Variants in LGR5 observed in about 807,000 individuals in gnomAD.
The protein encoded by LGR5 is leucine rich repeat containing G protein-coupled receptor 5.
LGR5 carries 54 observed loss-of-function variants against 76.7 expected under a neutral mutation model. The observed-to-expected ratio is 0.70, with a 90% confidence interval of 0.57 to 0.88. LGR5 has a LOEUF of 0.88. LGR5 is among the 40% of genes least tolerant of loss of function. The probability of loss-of-function intolerance (pLI) is 0.00; values close to 1 mark genes in which losing one functional copy is unlikely to be tolerated. For synonymous variants in LGR5, 406 were observed against 421.9 expected (o/e 0.96, Z 0.46); for missense variants, 1,078 against 1,073.3 (o/e 1.00, Z -0.06).
At chr12:71,458,599 T>C (rs1872576822) in intron 1 of LGR5, among the ~76,000 whole-genome samples, 1 of 152,194 alleles carries the variant, frequency 6.6e-6, no homozygotes, top group Non-Finnish European at 1.5e-5. Flanking sequence ...TGCTAGTTTT[T>C]ATAAAGTCTA....
At chr12:71,547,266 C>T (rs1877229209) in intron 4 of LGR5, among the ~76,000 whole-genome samples, 1 of 152,208 alleles carries the variant, frequency 6.6e-6, no homozygotes, top group African/African-American at 2.4e-5. Flanking sequence ...TGTGCATCCT[C>T]TTTTCTCTGT....
At chr12:71,484,581 T>C (rs1281888446) in intron 1 of LGR5, among the ~76,000 whole-genome samples, 2 of 152,214 alleles carry the variant, frequency 1.3e-5, no homozygotes, top group East Asian at 3.8e-4. Flanking sequence ...TAAACCTTTG[T>C]GCCCGAGGTT....
chr12:71,470,697 C>T (rs1873062308), intron 1 of LGR5, among the ~76,000 whole-genome samples: 1 of 152,198 alleles, frequency 6.6e-6, no homozygotes, highest in South Asian at 2.1e-4. Context: ...TTGCTATAAT[C>T]TTACTCCCAC....
intron 3 of LGR5, among the ~76,000 whole-genome samples, chr12:71,530,486 A>T (rs1205858713): frequency 6.6e-6 from 1 of 152,226 alleles, no homozygotes; most frequent in Non-Finnish European, 1.5e-5. Flanking sequence ...ATCTTGATCC[A>T]GTCTATTAAG....
At chr12:71,485,105 A>G (rs1013567274) in intron 1 of LGR5, among the ~76,000 whole-genome samples, 3 of 152,210 alleles carry the variant, frequency 2.0e-5, no homozygotes, top group Non-Finnish European at 4.4e-5. Context: ...ATTTGTAAAA[A>G]CATTAAGGGA....
At chr12:71,532,749 GTCT>G (rs1419070597) in intron 3 of LGR5, among the ~76,000 whole-genome samples, 2 of 151,974 alleles carry the variant, frequency 1.3e-5, no homozygotes, top group East Asian at 3.9e-4. Context: ...AAAAGCTTAG[GTCT>G]TGTCTGCAAA....
intron 3 of LGR5, among the ~76,000 whole-genome samples, chr12:71,531,758 C>T (rs1018864916): frequency 2.6e-5 from 4 of 152,250 alleles, no homozygotes; most frequent in East Asian, 3.9e-4. Flanking sequence ...ATCCCAGCTA[C>T]TCAGGAGACT....
At chr12:71,546,631 C>G (rs1032341039) in intron 4 of LGR5, among the ~76,000 whole-genome samples, 3 of 152,064 alleles carry the variant, frequency 2.0e-5, no homozygotes, top group Non-Finnish European at 4.4e-5. Flanking sequence ...CCTTCAGGCA[C>G]TGATCTTTCT....
intron 2 of LGR5, among the ~76,000 whole-genome samples, chr12:71,524,025 A>C (rs1048333731): frequency 1.3e-5 from 2 of 152,174 alleles, no homozygotes; most frequent in African/African-American, 4.8e-5. Flanking sequence ...TATCTAATCT[A>C]TTTTATCTTA....
At chr12:71,456,964 A>C (rs763118896) in intron 1 of LGR5, among the ~76,000 whole-genome samples, 4 of 152,122 alleles carry the variant, frequency 2.6e-5, no homozygotes, top group African/African-American at 7.2e-5. Flanking sequence ...GTTCAGATGG[A>C]AACTGAATAA....
chr12:71,543,271 G>A (rs1374472621), intron 4 of LGR5, among the ~76,000 whole-genome samples: 1 of 152,148 alleles, frequency 6.6e-6, no homozygotes, highest in Non-Finnish European at 1.5e-5. Context: ...TTTCCCACAT[G>A]CCTTTCCTGG....
chr12:71,558,414 C>T (rs1877886442), intron 6 of LGR5, among the ~76,000 whole-genome samples: 1 of 152,156 alleles, frequency 6.6e-6, no homozygotes, highest in Non-Finnish European at 1.5e-5. Context: ...CCTTCCTCTA[C>T]CTTGCCCAGG....
At chr12:71,512,864 C>T (rs900552542) in intron 2 of LGR5, among the ~76,000 whole-genome samples, 6 of 152,108 alleles carry the variant, frequency 3.9e-5, no homozygotes, top group African/African-American at 1.4e-4. Flanking sequence ...AAGTGTGAAG[C>T]ATGATGGGTC....
At chr12:71,489,307 G>A (rs1341464870) in intron 1 of LGR5, among the ~76,000 whole-genome samples, 1 of 152,144 alleles carries the variant, frequency 6.6e-6, no homozygotes, top group Non-Finnish European at 1.5e-5. Flanking sequence ...ATGGCGTACA[G>A]GACTTTTAAG....
intron 1 of LGR5, among the ~76,000 whole-genome samples, chr12:71,451,656 C>T (rs1398653229): frequency 6.6e-6 from 1 of 152,166 alleles, no homozygotes; most frequent in Non-Finnish European, 1.5e-5. Flanking sequence ...CACTTGATCA[C>T]CATATTTCAT....
At chr12:71,534,668 G>T (rs757316521) in intron 3 of LGR5, among the ~76,000 whole-genome samples, 11 of 152,118 alleles carry the variant, frequency 7.2e-5, no homozygotes, top group African/African-American at 1.2e-4. Flanking sequence ...AGAAACAGTT[G>T]GTCCTTTGCT....
intron 1 of LGR5, among the ~76,000 whole-genome samples, chr12:71,488,361 C>T (rs1386839929): frequency 1.3e-5 from 2 of 152,154 alleles, no homozygotes; most frequent in African/African-American, 4.8e-5. Context: ...TCTAAGGGAG[C>T]TTTCTTTAGT....
chr12:71,450,709 C>T (rs570295836), intron 1 of LGR5, among the ~76,000 whole-genome samples: 2 of 152,260 alleles, frequency 1.3e-5, no homozygotes, highest in South Asian at 4.1e-4. Context: ...TCTAACTGTT[C>T]TCTTTCTCTT....
chr12:71,486,811 G>A (rs994589555), intron 1 of LGR5, among the ~76,000 whole-genome samples: 11 of 150,786 alleles, frequency 7.3e-5, no homozygotes, highest in South Asian at 4.2e-4. Flanking sequence ...TTTTCAATTC[G>A]GAGACTTCTA....
Sources: allele counts gnomAD v4.1 joint callset (sites outside exome capture counted in the v4.1 genomes callset), GRCh38; gene constraint gnomAD v4.1.1; transcripts MANE v1.5; gene names NCBI Gene and HGNC (gene_info 2026-07-23, HGNC 2026-07-21).